FLT1: variants seen among roughly 807,000 people sequenced by gnomAD.
FLT1 encodes fms related receptor tyrosine kinase 1, also known as vascular endothelial growth factor receptor 1.
In FLT1, 49 loss-of-function variants were observed where a neutral mutation model predicts 156.3. The observed-to-expected ratio is 0.31, with a 90% CI of 0.25 to 0.40. The LOEUF is 0.40. Among genes scored for constraint, FLT1 ranks in the 10% least tolerant of loss-of-function variants. The probability of loss-of-function intolerance (pLI) is 1.00; values close to 1 mark genes in which losing one functional copy is unlikely to be tolerated. For missense variants in FLT1, 1,322 were observed against 1,637.2 expected, an observed-to-expected ratio of 0.81 and a Z score of 3.32; for synonymous variants, 594 against 583.8, an observed-to-expected ratio of 1.02 and a Z score of -0.25.
rs769040117 is a variant in FLT1 at position 28,306,735 on chromosome 13, G to A, written c.3758C>T (p.Pro1253Leu). The change falls in exon 29 of 30, where the codon CCC becomes CTC. Residue 1253 changes from proline (P) to leucine (L), a missense_variant. By Grantham distance (98) the Pro-to-Leu change is moderately conservative. Coordinates refer to ENST00000282397, the MANE Select transcript of FLT1 (RefSeq NM_002019.4). ...QGDSSTLLAS[P>L]MLKRFTWTDS... ...AGTCCAGGTGAAGCGCTTCAGCATGGGAGAGGCCAACAGAGTGCTGCTGTC... is the reference window on the plus strand; with the variant it reads ...AGTCCAGGTGAAGCGCTTCAGCATGAGAGAGGCCAACAGAGTGCTGCTGTC... 2 of 1,613,780 alleles carry A rather than the reference G, an allele frequency of 1.2e-6. No individual in the cohort carries two copies. Among genetic ancestry groups the A allele is most frequent in the Non-Finnish European group, 1.7e-6 (2 of 1,179,824 alleles).
At chr13:28,483,580 G>A (rs1478713362) in intron 1 of FLT1, among the ~76,000 whole-genome samples, 2 of 152,108 alleles carry the variant, frequency 1.3e-5, no homozygotes, top group Non-Finnish European at 2.9e-5. Flanking sequence ...GTCCTTCTCC[G>A]AGTAACAGGT....
At chr13:28,320,345 G>A (rs1432699608) in intron 23 of FLT1, among the ~76,000 whole-genome samples, 4 of 152,112 alleles carry the variant, frequency 2.6e-5, no homozygotes, top group Non-Finnish European at 5.9e-5. Context: ...TCAATGTGAA[G>A]TCATATGTTT....
At chr13:28,309,706 T>G (rs1461850943) in intron 27 of FLT1, among the ~76,000 whole-genome samples, 1 of 148,340 alleles carries the variant, frequency 6.7e-6, no homozygotes, top group Non-Finnish European at 1.5e-5. Context: ...GCCAATTTAT[T>G]TAATCCGAAC....
intron 6 of FLT1, among the ~76,000 whole-genome samples, chr13:28,432,631 A>T (rs1410845821): frequency 6.6e-6 from 1 of 152,240 alleles, no homozygotes; most frequent in African/African-American, 2.4e-5. Context: ...GTCACATTTC[A>T]AGTGCTCATC....
At chr13:28,329,782 C>CCGGAGG in intron 18 of FLT1, 54 bp from the exon 19 acceptor site, 1 of 1,434,882 alleles carries the variant, frequency 7.0e-7, no homozygotes, top group Non-Finnish European at 9.7e-7. Context: ...GCTCCTTCCG[C>CCGGAGG]CGGAGGCGGC....
At chr13:28,388,739 T>C (rs1874520689) in intron 13 of FLT1, 1 of 1,058,696 alleles carries the variant, frequency 9.4e-7, no homozygotes, top group African/African-American at 1.6e-5. Flanking sequence ...AATTTACATT[T>C]AGAAGAATGC....
chr13:28,474,499 C>CAG (rs1880431243), intron 1 of FLT1, among the ~76,000 whole-genome samples: 1 of 131,450 alleles, frequency 7.6e-6, no homozygotes, highest in Non-Finnish European at 1.5e-5. Context: ...CACACACACA[C>CAG]ACACACACAC....
Position 28,327,479 on chromosome 13 carries a change from A to C in FLT1, c.2779T>G (p.Leu927Val). ...LSNYLKSKRD[L>V]FFLNKDAALH... ...ATCCTTACCTTGTTGAGAAAAAATA[A>C]GTCACGTTTGCTCTTGAGGTAGTTG... is the stretch of plus-strand genomic sequence containing the variant. Residue 927 changes from leucine (L) to valine (V), a missense_variant, in exon 20 of 30, where the codon TTA (leucine) becomes GTA (valine). This residue lies in a region of FLT1 where 991 missense variants were observed against 1,254.8 expected (regional missense o/e 0.79). Transcript: ENST00000282397. The C allele has an allele frequency of 6.2e-7, 1 of 1,610,216 alleles. No individual in the cohort carries two copies.
chr13:28,326,797 T>G (rs1871701740), intron 20 of FLT1, among the ~76,000 whole-genome samples: 1 of 152,198 alleles, frequency 6.6e-6, no homozygotes, highest in Non-Finnish European at 1.5e-5. Flanking sequence ...AGTTCTGGGA[T>G]TACAGGCGTA....
At chr13:28,332,288 C>A (rs536278694) in intron 18 of FLT1, among the ~76,000 whole-genome samples, 10 of 152,216 alleles carry the variant, frequency 6.6e-5, no homozygotes, top group Admixed American at 3.9e-4. Flanking sequence ...CTCCCTATAA[C>A]CCTTTCCTCT....
intron 14 of FLT1, among the ~76,000 whole-genome samples, chr13:28,374,450 A>G (rs1873754065): frequency 6.6e-6 from 1 of 151,958 alleles, no homozygotes; most frequent in Non-Finnish European, 1.5e-5. Context: ...AATATAAAGA[A>G]AAAACCCAAA....
intron 14 of FLT1, among the ~76,000 whole-genome samples, chr13:28,366,040 C>A (rs1486592392): frequency 2.0e-5 from 3 of 152,068 alleles, no homozygotes; most frequent in African/African-American, 4.8e-5. Flanking sequence ...TTAGCTCCAA[C>A]CTATTGAGAA....
Position 28,310,865 on chromosome 13 carries a change from ATTC to A in FLT1, c.3635+722_3635+724del, listed in dbSNP as rs536002168. Among the ~76,000 whole-genome samples the A allele has an allele frequency of 4.6e-3, 695 of 152,340 alleles. 5 individuals are homozygous for A. Among genetic ancestry groups the A allele is most frequent in the African/African-American group, 0.016 (659 of 41,574 alleles). The stretch of plus-strand genomic sequence containing the variant: ...GAAACTTAAGAAAATGTAATCTGTT[ATTC>A]TTAATTGGATCCTGCTTTTAAAAAA... On this transcript the variant is annotated intron_variant, in intron 27 of 29. Transcript: ENST00000282397.
intron 29 of FLT1, among the ~76,000 whole-genome samples, chr13:28,305,930 T>TA (rs747751963): frequency 2.9e-4 from 44 of 152,100 alleles, no homozygotes; most frequent in Non-Finnish European, 2.9e-4. Context: ...TCTAGCCCTT[T>TA]AAAAAAATGG....
intron 14 of FLT1, among the ~76,000 whole-genome samples, chr13:28,382,253 C>A (rs371177683): frequency 6.6e-6 from 1 of 151,988 alleles, no homozygotes; most frequent in Non-Finnish European, 1.5e-5. Context: ...TTAAGGGATG[C>A]GACAAAGGAA....
chr13:28,344,333 G>T (rs1459681805), intron 16 of FLT1, among the ~76,000 whole-genome samples: 1 of 152,050 alleles, frequency 6.6e-6, no homozygotes, highest in African/African-American at 2.4e-5. Flanking sequence ...CCTCCTAAAT[G>T]CTCTTGCCTC....
chr13:28,379,794 C>T (rs1404698591), intron 14 of FLT1, among the ~76,000 whole-genome samples: 3 of 152,168 alleles, frequency 2.0e-5, no homozygotes, highest in African/African-American at 4.8e-5. Context: ...CTTAAAACTG[C>T]CTTTCTTCTG....
chr13:28,302,905 T>G lies in FLT1; in HGVS notation c.*262A>C. The G allele has an allele frequency of 2.0e-6, 1 of 499,840 alleles. No individual in the cohort carries two copies. The highest frequency in any genetic ancestry group is 3.6e-6 in the Non-Finnish European group (1 of 276,574). The allele number at this position is 499,840 out of a possible 1,614,324, so 31.0% of individuals were successfully genotyped here. ...GGCGGGGGTTGGAGCAGGGAAGTCA[T>G]TGGGTTTAGGAAGGATTTCTCTAAC... is the stretch of plus-strand genomic sequence containing the variant. On this transcript the variant is annotated 3_prime_UTR_variant, in exon 30 of 30. Transcript: ENST00000282397.
chr13:28,351,296 C>A (rs1018988057), intron 15 of FLT1, among the ~76,000 whole-genome samples: 3 of 152,100 alleles, frequency 2.0e-5, no homozygotes, highest in African/African-American at 7.2e-5. Context: ...CCTGTTAGGA[C>A]CTCAAGAGAA....
Sources: gnomAD v4.1 joint callset for allele counts (sites outside exome capture counted in the v4.1 genomes callset) on GRCh38, gnomAD v4.1.1 for gene constraint, gnomAD v4.1.1 regional missense constraint, MANE v1.5 for transcripts, NCBI Gene and HGNC (gene_info 2026-07-23, HGNC 2026-07-21) for gene names.